Variants in CHD7 observed in about 807,000 individuals in gnomAD.
CHD7 encodes the protein chromodomain helicase DNA binding protein 7.
A neutral mutation model predicts 307.3 loss-of-function variants in CHD7; 24 were observed. The ratio of observed to expected loss-of-function variants is 0.08; its 90% CI spans 0.06 to 0.11. The LOEUF (loss-of-function observed/expected upper bound fraction) is 0.11, where lower values mean the gene tolerates loss of function less well. Among genes scored for constraint, CHD7 ranks in the 10% least tolerant of loss-of-function variants. CHD7 has a pLI of 1.00. For missense variants in CHD7, 3,106 were observed against 3,727.1 expected (o/e 0.83, Z 4.34); for synonymous variants, 1,363 against 1,349.9 (o/e 1.01, Z -0.21).
At chr8:60,764,136 C>T (rs1006553978) in intron 2 of CHD7, among the ~76,000 whole-genome samples, 11 of 152,030 alleles carry the variant, frequency 7.2e-5, no homozygotes, top group Admixed American at 2.0e-4. Context: ...TACAGGTGCC[C>T]GCCACCACGC....
intron 1 of CHD7, among the ~76,000 whole-genome samples, chr8:60,698,276 C>T (rs1806585516): frequency 6.6e-6 from 1 of 152,182 alleles, no homozygotes; most frequent in Non-Finnish European, 1.5e-5. Flanking sequence ...CTTTACCTTT[C>T]TGTATCGAGG....
intron 1 of CHD7, among the ~76,000 whole-genome samples, chr8:60,714,281 C>T (rs1475492626): frequency 1.3e-5 from 2 of 152,068 alleles, no homozygotes; most frequent in Non-Finnish European, 2.9e-5. Flanking sequence ...ACCGTGGCCT[C>T]CCACCCACTC....
intron 8 of CHD7, among the ~76,000 whole-genome samples, chr8:60,817,022 G>A (rs544167498): frequency 1.3e-5 from 2 of 152,306 alleles, no homozygotes; most frequent in East Asian, 1.9e-4. Context: ...CCAGGTATCA[G>A]TATAGAAGTA....
chr8:60,753,307 T>G (rs1809729490), intron 2 of CHD7, among the ~76,000 whole-genome samples: 1 of 152,230 alleles, frequency 6.6e-6, no homozygotes, highest in African/African-American at 2.4e-5. Flanking sequence ...TGGGAACCCC[T>G]GTGCTCAGTG....
At chr8:60,743,146 T>C in intron 2 of CHD7, 49 bp downstream of exon 2, 1 of 1,497,342 alleles carries the variant, frequency 6.7e-7, no homozygotes, top group South Asian at 1.2e-5. Context: ...AAATTCAACA[T>C]GGCTAACTTG....
At position 60,742,926 on chromosome 8, in the gene CHD7, C is replaced by T. The variant is rs1217322237; in HGVS notation, c.1494C>T (p.Gly498=). ...CAATCCAGGAACGACTGATACCTGG[C>T]CAACAACATCCTGGTCAACAGCCAT... ...PQAIQERLIP[G]QQHPGQQPSF... Residue 498 remains glycine, a synonymous_variant, in exon 2 of 38, where the codon GGC becomes GGT. Coordinates refer to ENST00000423902, the MANE Select transcript of CHD7 (RefSeq NM_017780.4). The T allele has an allele frequency of 1.2e-6, 2 of 1,613,146 alleles. No homozygotes were observed. The highest frequency in any genetic ancestry group is 3.3e-5 in the Admixed American group (2 of 59,884).
In CHD7 at chr8:60,683,909, G is replaced by GTT. The variant is rs34548561; in HGVS notation, c.-175+4838_-175+4839dup. On this transcript the variant is annotated intron_variant, in intron 1 of 37. Coordinates refer to ENST00000423902, the MANE Select transcript of CHD7 (RefSeq NM_017780.4). ...CAATAATTTGCTTCTGTTTTTGGAGGTTTTTTTTTTTTAACTATGATTATC... is the reference window on the plus strand; with the variant it reads ...CAATAATTTGCTTCTGTTTTTGGAGGTTTTTTTTTTTTTTAACTATGATTATC... 1.6e-3 allele frequency among the ~76,000 whole-genome samples: 242 copies of GTT among 147,588 alleles called. 1 individual carries two copies. The highest frequency in any genetic ancestry group is 0.012 in the East Asian group (60 of 5,104).
At position 60,853,516 on chromosome 8, in the gene CHD7, T is replaced by C; in HGVS notation, c.6775+16T>C. 3 of 1,500,490 alleles carry C rather than the reference T, an allele frequency of 2.0e-6. No individual in the cohort carries two copies. The highest frequency in any genetic ancestry group is 2.7e-6 in the Non-Finnish European group (3 of 1,125,538). The allele number at this position is 1,500,490 out of a possible 1,614,324, so 92.9% of individuals were successfully genotyped here. A position where few individuals can be genotyped will look rare whatever the true frequency, so the allele number is the denominator to read the frequency against. Reference sequence around the variant, plus strand: ...CAGCCCGAAGGTAAGGCCTTACCACTGGCCCCTCTCCTGACCCTGCAGCAG... The same window carrying C: ...CAGCCCGAAGGTAAGGCCTTACCACCGGCCCCTCTCCTGACCCTGCAGCAG... On this transcript the variant is annotated intron_variant, in intron 31 of 37. Coordinates refer to ENST00000423902, the MANE Select transcript of CHD7 (RefSeq NM_017780.4).
At chr8:60,792,596 A>G (rs1056596887) in intron 3 of CHD7, among the ~76,000 whole-genome samples, 1 of 152,184 alleles carries the variant, frequency 6.6e-6, no homozygotes, top group Non-Finnish European at 1.5e-5. Context: ...ACTTTCAGCT[A>G]TCTTGGAGGT....
At position 60,841,716 on chromosome 8, in the gene CHD7, A is replaced by G. The variant is rs759574788; in HGVS notation, c.4606A>G (p.Lys1536Glu). 2 of 1,609,726 alleles carry G rather than the reference A, an allele frequency of 1.2e-6. No individual in the cohort carries two copies. Among genetic ancestry groups the G allele is most frequent in the Non-Finnish European group, 8.5e-7 (1 of 1,176,178 alleles). ...DDPNFWQKWA[K>E]KAELDIDALN... Reference sequence around the variant, plus strand: ...TCCAAATTTCTGGCAAAAGTGGGCTAAGAAGGCTGAATTGGATATTGATGC... The same window carrying G: ...TCCAAATTTCTGGCAAAAGTGGGCTGAGAAGGCTGAATTGGATATTGATGC... The change falls in exon 20 of 38, where the codon AAG (lysine) becomes GAG (glutamate). Residue 1536 changes from lysine to glutamate, a missense_variant. Physicochemically the swap from Lys to Glu is moderately conservative, Grantham distance 56. Transcript: ENST00000423902.
chr8:60,704,290 G>A (rs1806910304), intron 1 of CHD7, among the ~76,000 whole-genome samples: 1 of 152,136 alleles, frequency 6.6e-6, no homozygotes, highest in South Asian at 2.1e-4. Flanking sequence ...GTTATACCAT[G>A]TGCCCAAGGC....
In CHD7 at chr8:60,795,530, A is replaced by G. The variant is rs569198975; in HGVS notation, c.2238+403A>G. Among the ~76,000 whole-genome samples, 468 of 152,318 alleles carry G rather than the reference A, an allele frequency of 3.1e-3. 4 individuals are homozygous for G. Among genetic ancestry groups the G allele is most frequent in the Non-Finnish European group, 4.2e-3 (289 of 68,030 alleles). ...TTTGCAGAATTAAAAATCAAGATAT[A>G]ATTTGTAGTAGCCTGTCTAAAGTTT... On this transcript the variant is annotated intron_variant, in intron 4 of 37. Transcript: ENST00000423902.
intron 1 of CHD7, among the ~76,000 whole-genome samples, chr8:60,697,656 T>C (rs1201661588): frequency 6.6e-6 from 1 of 152,222 alleles, no homozygotes; most frequent in Non-Finnish European, 1.5e-5. Flanking sequence ...AGTCGTGGAA[T>C]TGATGAAATC....
rs368009680 is a variant in CHD7 at position 60,822,331 on chromosome 8, T to C, written c.2958-172T>C. The stretch of plus-strand genomic sequence containing the variant: ...AGAGATTGATATAAGTGTGTAAAAA[T>C]AATTTTTATTCTTTGAGAATTTTGT... On this transcript the variant is annotated intron_variant, in intron 11 of 37. Transcript: ENST00000423902. Among the ~76,000 whole-genome samples the C allele has an allele frequency of 1.1e-4, 16 of 152,272 alleles. 2 individuals carry two copies. The East Asian group carries it at 1.2e-3, about 11-fold the overall frequency.
chr8:60,751,708 T>C (rs1017313157), intron 2 of CHD7, among the ~76,000 whole-genome samples: 1 of 152,212 alleles, frequency 6.6e-6, no homozygotes, highest in African/African-American at 2.4e-5. Flanking sequence ...TTATTTTGTT[T>C]TTCCTTCACT....
chr8:60,741,670 A>T lies in CHD7; in HGVS notation c.238A>T (p.Met80Leu), dbSNP rs753270420. 1.9e-5 allele frequency: 30 copies of T among 1,613,880 alleles called. No individual in the cohort carries two copies. The South Asian group carries it at 3.2e-4, about 17-fold the overall frequency. ...DHYNQYEQQKMHLMDQPNRMM... is the reference protein window; with the variant it reads ...DHYNQYEQQKLHLMDQPNRMM... The stretch of plus-strand genomic sequence containing the variant: ...CTATAATCAGTATGAACAACAAAAG[A>T]TGCATCTGATGGATCAGCCGAACAG... Residue 80 changes from methionine (M) to leucine (L), a missense_variant, in exon 2 of 38, where the codon ATG becomes TTG. Around this residue, in one of 10 missense-constraint regions of CHD7, gnomAD observed 998 missense variants for 1,004.5 expected, o/e 0.99. Coordinates refer to ENST00000423902, the MANE Select transcript of CHD7 (RefSeq NM_017780.4).
chr8:60,851,493 T>C (rs965647021), intron 28 of CHD7, among the ~76,000 whole-genome samples, 174 bp downstream of exon 28: 1 of 152,222 alleles, frequency 6.6e-6, no homozygotes, highest in Non-Finnish European at 1.5e-5. Context: ...TTTCATGACA[T>C]TGAATTTCTT....
chr8:60,853,264 A>G lies in CHD7; in HGVS notation c.6539A>G (p.Asn2180Ser). 6.2e-7 allele frequency: 1 copy of G among 1,612,922 alleles called. No individual in the cohort carries two copies. Among genetic ancestry groups the G allele is most frequent in the Non-Finnish European group, 8.5e-7 (1 of 1,179,238 alleles). The change falls in exon 31 of 38, where the codon AAC (asparagine) becomes AGC (serine). Residue 2180 changes from asparagine (N) to serine (S), a missense_variant. Coordinates refer to ENST00000423902, the MANE Select transcript of CHD7 (RefSeq NM_017780.4). Reference sequence around the variant, plus strand: ...GAAGGCAAAGTGGAGGAGCCTGAAAACCCAGCTGCCAAGGAGAAATGTGAG... The same window carrying G: ...GAAGGCAAAGTGGAGGAGCCTGAAAGCCCAGCTGCCAAGGAGAAATGTGAG... ...QAEGKVEEPE[N>S]PAAKEKCEGK... is the part of the protein sequence containing the mutation.
rs199570256 is a variant in CHD7, at chr8:60,865,153, G to A, written c.8214G>A (p.Thr2738=). 9.9e-6 allele frequency: 16 copies of A among 1,612,062 alleles called. No individual in the cohort carries two copies. Among genetic ancestry groups the A allele is most frequent in the East Asian group, 4.5e-5 (2 of 44,840 alleles). The change falls in exon 38 of 38, where the codon ACG becomes ACA. Residue 2738 remains threonine, a synonymous_variant. Coordinates refer to ENST00000423902, the MANE Select transcript of CHD7 (RefSeq NM_017780.4). This position sits in a 1 kb window ranked among gnomAD's most constrained non-coding sequence, Gnocchi z 4.3. ...CGGCCGCCGCTGCTGTGGCCTCCAC[G>A]TCAGGGATCAACCCTTTGCTGGTGA... ...AAAAAAAVAS[T]SGINPLLVNS... is the part of the protein sequence containing the mutation.
Sources: allele counts gnomAD v4.1 joint callset (sites outside exome capture counted in the v4.1 genomes callset), GRCh38; gene constraint gnomAD v4.1.1; regional missense constraint gnomAD v4.1.1; non-coding constraint Gnocchi (gnomAD v3.1); transcripts MANE v1.5; gene names NCBI Gene and HGNC (gene_info 2026-07-23, HGNC 2026-07-21).